The following LYST variants were observed in gnomAD, a reference collection of about 807,000 sequenced individuals.
The protein encoded by LYST is lysosomal trafficking regulator.
A neutral mutation model predicts 413.6 loss-of-function variants in LYST; 192 were observed. That is an observed-to-expected ratio of 0.46 (90% confidence interval 0.41 to 0.52). The LOEUF (loss-of-function observed/expected upper bound fraction) is 0.52. Among genes scored for constraint, LYST ranks in the 20% least tolerant of loss-of-function variants. LYST has a pLI of 0.00. For synonymous variants in LYST, 1,525 were observed against 1,567.3 expected (o/e 0.97, Z 0.64); for missense variants, 3,815 against 4,499.9 (o/e 0.85, Z 4.35).
chr1:235,830,442 C>CAAA lies in LYST; in HGVS notation c.-7-21_-7-19dup. ...TGACCGAGCTATAAAATAAGTATTACAAAAAAAAAAGATTAGGAAAACAAA... is the reference window on the plus strand; with the variant it reads ...TGACCGAGCTATAAAATAAGTATTACAAAAAAAAAAAAAGATTAGGAAAACAAA... On this transcript the variant is annotated intron_variant, in intron 2 of 52. Transcript: ENST00000389793. 2.2e-6 allele frequency: 3 copies of CAAA among 1,344,468 alleles called. No individual in the cohort carries two copies. The highest frequency in any genetic ancestry group is 3.0e-6 in the Non-Finnish European group (3 of 991,588). The allele number at this position is 1,344,468 out of a possible 1,614,324, so 83.3% of individuals were successfully genotyped here.
chr1:235,806,457 A>C lies in LYST; in HGVS notation c.2679T>G (p.Val893=), dbSNP rs765192422. The change falls in exon 6 of 53, where the codon GTT becomes GTG. Residue 893 remains valine, a synonymous_variant. Coordinates refer to ENST00000389793, the MANE Select transcript of LYST (RefSeq NM_000081.4). The stretch of plus-strand genomic sequence containing the variant: ...GGAATAGGTTTATTGTGTTGATATG[A>C]ACATCTTGGTTAACAGTCTTCCGTC... ...PKRRKTVNQD[V]HINTINLFLC... 135 of 1,613,972 alleles carry C rather than the reference A, an allele frequency of 8.4e-5. No individual in the cohort carries two copies. Among genetic ancestry groups the C allele is most frequent in the Non-Finnish European group, 1.1e-4 (131 of 1,180,004 alleles).
chr1:235,822,390 C>G (rs1674843133), intron 3 of LYST, among the ~76,000 whole-genome samples: 2 of 152,328 alleles, frequency 1.3e-5, no homozygotes, highest in Admixed American at 1.3e-4. Flanking sequence ...TGTTCCTCTC[C>G]TGTCCCTCTT....
At position 235,741,722 on chromosome 1, in the gene LYST, C is replaced by T. The variant is rs1477040279; in HGVS notation, c.8152-94G>A. 6.4e-5 allele frequency: 58 copies of T among 899,506 alleles called. 1 individual carries two copies. The highest frequency in any genetic ancestry group is 6.2e-4 in the South Asian group (45 of 72,756). The allele number at this position is 899,506 out of a possible 1,614,324, so 55.7% of individuals were successfully genotyped here. A position where few individuals can be genotyped will look rare whatever the true frequency, so the allele number is the denominator to read the frequency against. On this transcript the variant is annotated intron_variant, in intron 30 of 52. Coordinates refer to ENST00000389793, the MANE Select transcript of LYST (RefSeq NM_000081.4). ...CAGCCCTAAAGAAGATTATGGAACACGTTTTATTCCAGATTGGTTTTAATA... is the reference window on the plus strand; with the variant it reads ...CAGCCCTAAAGAAGATTATGGAACATGTTTTATTCCAGATTGGTTTTAATA...
chr1:235,704,604 T>A (rs1661816561), intron 44 of LYST, among the ~76,000 whole-genome samples: 1 of 152,192 alleles, frequency 6.6e-6, no homozygotes, highest in Non-Finnish European at 1.5e-5. Flanking sequence ...AATGAGGTTG[T>A]TTTTTTCTTA....
intron 31 of LYST, among the ~76,000 whole-genome samples, chr1:235,740,684 A>T (rs754849200): frequency 1.1e-4 from 17 of 152,166 alleles, no homozygotes; most frequent in Non-Finnish European, 1.6e-4. Flanking sequence ...AGAAATCACA[A>T]TGTGTTTGTA....
rs1668515773 is a variant in LYST, at chr1:235,770,055, A to T, written c.5922+105T>A. On this transcript the variant is annotated intron_variant, in intron 20 of 52. Coordinates refer to ENST00000389793, the MANE Select transcript of LYST (RefSeq NM_000081.4). Reference sequence around the variant, plus strand: ...GAATCTGGAGAGAAGATGGAAAAAAAAAAGAAAAAAAGTCCCATTGAAAGT... The same window carrying T: ...GAATCTGGAGAGAAGATGGAAAAAATAAAGAAAAAAAGTCCCATTGAAAGT... 14 of 1,071,962 alleles carry T rather than the reference A, an allele frequency of 1.3e-5. No homozygotes were observed. The South Asian group carries it at 1.7e-4, about 13-fold the overall frequency. 66.4% of individuals were successfully genotyped at this position (1,071,962 alleles called of 1,614,324 possible). A position where few individuals can be genotyped will look rare whatever the true frequency, so the allele number is the denominator to read the frequency against.
At chr1:235,814,308 A>G (rs1393663662) in intron 3 of LYST, among the ~76,000 whole-genome samples, 1 of 152,194 alleles carries the variant, frequency 6.6e-6, no homozygotes, top group Admixed American at 6.5e-5. Context: ...TAGATCTGGA[A>G]CTTAAAAAAA....
At chr1:235,704,666 G>C (rs1265304658) in intron 44 of LYST, among the ~76,000 whole-genome samples, 1 of 152,056 alleles carries the variant, frequency 6.6e-6, no homozygotes, top group Non-Finnish European at 1.5e-5. Flanking sequence ...TTTGTCAGAT[G>C]TACAGTTTGC....
At chr1:235,672,027 T>C (rs1472457781) in intron 50 of LYST, among the ~76,000 whole-genome samples, 3 of 152,148 alleles carry the variant, frequency 2.0e-5, no homozygotes, top group Non-Finnish European at 4.4e-5. Context: ...TGTCTGCTAA[T>C]AGCTTGGATA....
chr1:235,677,074 G>A lies in LYST; in HGVS notation c.11038+17C>T, dbSNP rs201038850. 1.9e-5 allele frequency: 31 copies of A among 1,600,492 alleles called. No individual in the cohort carries two copies. The East Asian group carries it at 6.7e-4, about 35-fold the overall frequency. On this transcript the variant is annotated intron_variant, in intron 50 of 52. Transcript: ENST00000389793. ...GAGCACCAGCCAGCCCTGTGCTTTG[G>A]GTTGGAGCAAGCTCACCTGAATCAC...
upstream of LYST, among the ~76,000 whole-genome samples, chr1:235,869,548 C>G (rs1680840764): frequency 6.6e-6 from 1 of 152,218 alleles, no homozygotes; most frequent in Non-Finnish European, 1.5e-5. Context: ...GCAGGAAAGT[C>G]TTCAGCTAAT....
intron 1 of LYST, among the ~76,000 whole-genome samples, chr1:235,835,402 C>T (rs964766998): frequency 6.6e-6 from 1 of 152,108 alleles, no homozygotes; most frequent in African/African-American, 2.4e-5. Context: ...AAGATGATTC[C>T]AGCTAACTCA....
intron 21 of LYST, among the ~76,000 whole-genome samples, chr1:235,763,114 A>G (rs1406291592): frequency 2.0e-5 from 3 of 152,114 alleles, no homozygotes; most frequent in African/African-American, 4.8e-5. Context: ...AGTTATTTCT[A>G]TGGTTTAACA....
chr1:235,877,227 GC>G (rs1681177426), intron 1 of LYST, among the ~76,000 whole-genome samples: 1 of 152,172 alleles, frequency 6.6e-6, no homozygotes, highest in Non-Finnish European at 1.5e-5. Context: ...ATCAAGAGGG[GC>G]CAGCACCACA....
At position 235,716,696 on chromosome 1, in the gene LYST, T is replaced by C; in HGVS notation, c.9627+16A>G. On this transcript the variant is annotated intron_variant, in intron 41 of 52. Coordinates refer to ENST00000389793, the MANE Select transcript of LYST (RefSeq NM_000081.4). ...AATTTTTCATTTAATAAAGTACGAG[T>C]AAAAACAAAAGCTACCTTGTATGTG... 2 of 1,531,928 alleles carry C rather than the reference T, an allele frequency of 1.3e-6. No individual in the cohort carries two copies. Among genetic ancestry groups the C allele is most frequent in the Non-Finnish European group, 1.8e-6 (2 of 1,107,746 alleles). The allele number at this position is 1,531,928 out of a possible 1,614,324, so 94.9% of individuals were successfully genotyped here. A position where few individuals can be genotyped will look rare whatever the true frequency, so the allele number is the denominator to read the frequency against.
intron 16 of LYST, among the ~76,000 whole-genome samples, chr1:235,780,565 T>C (rs1463416976): frequency 6.6e-6 from 1 of 152,072 alleles, no homozygotes; most frequent in Non-Finnish European, 1.5e-5. Flanking sequence ...AAGTGTTATT[T>C]TCACTGTATC....
chr1:235,665,344 T>C (rs1298266852), intron 50 of LYST, among the ~76,000 whole-genome samples: 1 of 152,000 alleles, frequency 6.6e-6, no homozygotes, highest in African/African-American at 2.4e-5. Flanking sequence ...GCGTGGTGCC[T>C]CATGCCTGTA....
At position 235,810,079 on chromosome 1, in the gene LYST, T is replaced by A. The variant is rs1432337084; in HGVS notation, c.739A>T (p.Ile247Phe). The A allele has an allele frequency of 1.2e-6, 2 of 1,613,956 alleles. No homozygotes were observed. Among genetic ancestry groups the A allele is most frequent in the African/African-American group, 2.7e-5 (2 of 74,938 alleles). Residue 247 changes from isoleucine (I) to phenylalanine (F), a missense_variant, in exon 5 of 53, where the codon ATC (isoleucine) becomes TTC (phenylalanine). Around this residue, in one of 4 missense-constraint regions of LYST, gnomAD observed 1,648 missense variants for 1,810.3 expected, o/e 0.91. Coordinates refer to ENST00000389793, the MANE Select transcript of LYST (RefSeq NM_000081.4). ...ILSEPAALSV[I>F]SNMNNSPFDL... ...AATGGAGAATTGTTCATGTTACTGA[T>A]AACAGACAAGGCAGCTGGCTCACTT...
At chr1:235,690,279 G>A (rs1660546568) in intron 47 of LYST, among the ~76,000 whole-genome samples, 1 of 152,126 alleles carries the variant, frequency 6.6e-6, no homozygotes, top group South Asian at 2.1e-4. Flanking sequence ...AACTCCCACT[G>A]TACATATTTG....
Sources: gnomAD v4.1 joint callset for allele counts (sites outside exome capture counted in the v4.1 genomes callset) on GRCh38, gnomAD v4.1.1 for gene constraint, gnomAD v4.1.1 regional missense constraint, MANE v1.5 for transcripts, NCBI Gene and HGNC (gene_info 2026-07-23, HGNC 2026-07-21) for gene names.